The following CACNA2D3 variants were observed in gnomAD, a reference collection of about 807,000 sequenced individuals.
The protein encoded by CACNA2D3 is voltage-dependent calcium channel subunit alpha-2/delta-3.
In CACNA2D3, 60 loss-of-function variants were observed where a neutral mutation model predicts 160.6. The ratio of observed to expected loss-of-function variants is 0.37; its 90% CI spans 0.30 to 0.46. The LOEUF (loss-of-function observed/expected upper bound fraction) is 0.46. CACNA2D3 is among the 20% of genes least tolerant of loss of function. The pLI, the probability that CACNA2D3 is intolerant of heterozygous loss-of-function variation, is 1.00. For missense variants in CACNA2D3, 1,205 were observed against 1,365.0 expected (o/e 0.88, Z 1.85); for synonymous variants, 558 against 492.9 (o/e 1.13, Z -1.75).
chr3:54,617,915 GCCAGTGACTTT>G (rs1314963360), intron 9 of CACNA2D3, among the ~76,000 whole-genome samples: 6 of 151,672 alleles, frequency 4.0e-5, no homozygotes, highest in African/African-American at 1.5e-4. Context: ...CGTTCTAGGA[GCCAGTGACTTT>G]CCTTTTTCTG....
intron 27 of CACNA2D3, among the ~76,000 whole-genome samples, chr3:54,944,510 T>A (rs1701559772): frequency 1.3e-5 from 2 of 152,070 alleles, no homozygotes; most frequent in Admixed American, 1.3e-4. Flanking sequence ...AAGCTCTGCC[T>A]CCCGGGTTCA....
chr3:55,016,265 A>G (rs1703324884), intron 34 of CACNA2D3, among the ~76,000 whole-genome samples: 1 of 152,222 alleles, frequency 6.6e-6, no homozygotes. Flanking sequence ...ATGAAATAGC[A>G]CGAGTGCAGC....
At chr3:54,799,040 G>A (rs1219086573) in intron 13 of CACNA2D3, among the ~76,000 whole-genome samples, 6 of 152,150 alleles carry the variant, frequency 3.9e-5, no homozygotes, top group Non-Finnish European at 8.8e-5. Context: ...TATGAAAGTG[G>A]TGATTGTTTT....
At chr3:54,794,866 C>T (rs1702836630) in intron 13 of CACNA2D3, among the ~76,000 whole-genome samples, 1 of 151,894 alleles carries the variant, frequency 6.6e-6, no homozygotes, top group Admixed American at 6.6e-5. Context: ...TTACACAGTG[C>T]CTTGGTATTG....
chr3:54,451,616 C>G (rs1203712092), intron 4 of CACNA2D3, among the ~76,000 whole-genome samples: 1 of 152,122 alleles, frequency 6.6e-6, no homozygotes, highest in African/African-American at 2.4e-5. Flanking sequence ...TTGGTGTTCT[C>G]TCCAGAGTGT....
intron 27 of CACNA2D3, among the ~76,000 whole-genome samples, chr3:54,934,632 C>T (rs1304139310): frequency 2.6e-5 from 4 of 152,186 alleles, no homozygotes; most frequent in Non-Finnish European, 4.4e-5. Flanking sequence ...CACGTGTCCA[C>T]AGAGCCTAAG....
At chr3:54,884,255 G>A (rs1335861350) in intron 21 of CACNA2D3, among the ~76,000 whole-genome samples, 1 of 152,214 alleles carries the variant, frequency 6.6e-6, no homozygotes. Context: ...GTATCTCATG[G>A]TAGATATAAC....
chr3:55,023,806 G>A (rs1388633088), intron 35 of CACNA2D3, among the ~76,000 whole-genome samples: 3 of 151,628 alleles, frequency 2.0e-5, no homozygotes, highest in Non-Finnish European at 4.4e-5. Flanking sequence ...TTTTTCCTAA[G>A]CAGCATGTAG....
At chr3:54,724,533 G>A (rs1193537121) in intron 11 of CACNA2D3, among the ~76,000 whole-genome samples, 2 of 152,086 alleles carry the variant, frequency 1.3e-5, no homozygotes, top group Non-Finnish European at 2.9e-5. Flanking sequence ...ACACTCCTCA[G>A]AAAATGCAAA....
intron 2 of CACNA2D3, among the ~76,000 whole-genome samples, chr3:54,204,958 T>G (rs1428847969): frequency 6.6e-6 from 1 of 151,556 alleles, no homozygotes; most frequent in African/African-American, 2.4e-5. Flanking sequence ...ACATAGAGAA[T>G]AAGAAAAAGG....
At chr3:54,150,448 G>GC (rs1700126744) in intron 2 of CACNA2D3, among the ~76,000 whole-genome samples, 4 of 152,162 alleles carry the variant, frequency 2.6e-5, no homozygotes, top group Admixed American at 2.0e-4. Context: ...CTGGAGAAGG[G>GC]CAGGGACTCC....
At chr3:54,480,550 C>G (rs961299010) in intron 4 of CACNA2D3, among the ~76,000 whole-genome samples, 3 of 152,078 alleles carry the variant, frequency 2.0e-5, no homozygotes, top group Non-Finnish European at 2.9e-5. Context: ...TAAGAAAAAT[C>G]ATAAAAGCAG....
At chr3:54,970,555 G>A (rs113067406) in intron 29 of CACNA2D3, among the ~76,000 whole-genome samples, 3 of 26,660 alleles carry the variant, frequency 1.1e-4, no homozygotes, top group African/African-American at 5.2e-4. Flanking sequence ...CCTCCCCTCC[G>A]TTCCTCACCC....
chr3:54,242,607 G>A (rs780779234), intron 2 of CACNA2D3, among the ~76,000 whole-genome samples: 22 of 152,182 alleles, frequency 1.4e-4, no homozygotes, highest in Non-Finnish European at 2.9e-4. Context: ...TGCTCGCCCA[G>A]GCAGCTACTG....
chr3:54,315,143 G>A (rs1296209687), intron 2 of CACNA2D3, among the ~76,000 whole-genome samples: 1 of 152,168 alleles, frequency 6.6e-6, no homozygotes, highest in Non-Finnish European at 1.5e-5. Context: ...GTACTTTAGG[G>A]AACAGAAGCC....
At chr3:54,569,474 A>G (rs1201438237) in intron 6 of CACNA2D3, among the ~76,000 whole-genome samples, 1 of 152,196 alleles carries the variant, frequency 6.6e-6, no homozygotes, top group Non-Finnish European at 1.5e-5. Context: ...GGACAGTAAG[A>G]AATGACTTCG....
chr3:55,031,024 C>T (rs1703677895), intron 35 of CACNA2D3, among the ~76,000 whole-genome samples: 1 of 152,146 alleles, frequency 6.6e-6, no homozygotes, highest in Admixed American at 6.5e-5. Context: ...GGTGGGAGCA[C>T]ATGGAAGTTT....
intron 5 of CACNA2D3, among the ~76,000 whole-genome samples, chr3:54,551,181 T>G (rs577081016): frequency 6.6e-6 from 1 of 151,976 alleles, no homozygotes; most frequent in East Asian, 1.9e-4. Flanking sequence ...TAGACTTCTT[T>G]TGGCTCTGCC....
intron 2 of CACNA2D3, among the ~76,000 whole-genome samples, chr3:54,268,583 T>C (rs1702562186): frequency 6.6e-6 from 1 of 152,084 alleles, no homozygotes; most frequent in Non-Finnish European, 1.5e-5. Context: ...CTAATTTCTA[T>C]ATTTTTAGTA....
Sources: allele counts gnomAD v4.1 joint callset (sites outside exome capture counted in the v4.1 genomes callset), GRCh38; gene constraint gnomAD v4.1.1; transcripts MANE v1.5; gene names NCBI Gene and HGNC (gene_info 2026-07-23, HGNC 2026-07-21).